The following RPGRIP1 variants were observed in gnomAD, a reference collection of about 807,000 sequenced individuals.
The protein encoded by RPGRIP1 is RPGR interacting protein 1, also known as X-linked retinitis pigmentosa GTPase regulator-interacting protein 1.
RPGRIP1 carries 128 observed loss-of-function variants against 157.9 expected under a neutral mutation model. That is an observed-to-expected ratio of 0.81 (90% CI 0.70 to 0.94). The LOEUF (loss-of-function observed/expected upper bound fraction) is 0.94. Ranked by LOEUF, RPGRIP1 falls within the 40% of genes least tolerant of loss-of-function variation. The pLI is 0.00. For missense variants in RPGRIP1, 1,486 were observed against 1,545.8 expected (o/e 0.96, Z 0.65); for synonymous variants, 554 against 571.6 (o/e 0.97, Z 0.44).
rs1429217156 is a variant in RPGRIP1, at chr14:21,301,084, C to G, written c.337C>G (p.Leu113Val). 1 of 1,612,512 alleles carries G rather than the reference C, an allele frequency of 6.2e-7. No individual in the cohort carries two copies. The highest frequency in any genetic ancestry group is 8.5e-7 in the Non-Finnish European group (1 of 1,179,432). ...GCAGAAGGCGGGATGGCGGCAGCGC[C>G]TCTCCATGCACCAGCGCCCCCAGAT... ...RGQKAGWRQRLSMHQRPQMHR... is the reference protein window; with the variant it reads ...RGQKAGWRQRVSMHQRPQMHR... Residue 113 changes from leucine (L) to valine (V), a missense_variant, in exon 4 of 25, where the codon CTC (leucine) becomes GTC (valine). By Grantham distance (32) the Leu-to-Val change is conservative (BLOSUM62 1). Transcript: ENST00000400017.
intron 24 of RPGRIP1, among the ~76,000 whole-genome samples, chr14:21,350,471 G>A (rs1003940774): frequency 6.6e-6 from 1 of 151,578 alleles, no homozygotes; most frequent in Non-Finnish European, 1.5e-5. Flanking sequence ...ATGAATCATG[G>A]TATAAAATTA....
intron 21 of RPGRIP1, among the ~76,000 whole-genome samples, chr14:21,341,379 C>T (rs1037289928): frequency 6.6e-6 from 1 of 152,116 alleles, no homozygotes; most frequent in African/African-American, 2.4e-5. Flanking sequence ...GATGCAGAAT[C>T]ATTGAGAGAT....
At chr14:21,283,785 G>A (rs1429484492) in intron 1 of RPGRIP1, among the ~76,000 whole-genome samples, 1 of 151,876 alleles carries the variant, frequency 6.6e-6, no homozygotes, top group Non-Finnish European at 1.5e-5. Context: ...AGCCTCCCGA[G>A]TAGCCGGATT....
intron 19 of RPGRIP1, among the ~76,000 whole-genome samples, chr14:21,329,419 C>G (rs1484438584): frequency 5.9e-5 from 9 of 151,832 alleles, no homozygotes; most frequent in African/African-American, 1.9e-4. Flanking sequence ...CTGTTCATTT[C>G]AATGTAATTT....
intron 10 of RPGRIP1, among the ~76,000 whole-genome samples, chr14:21,315,331 C>T (rs1334663083): frequency 6.6e-6 from 1 of 151,626 alleles, no homozygotes; most frequent in Non-Finnish European, 1.5e-5. Context: ...CACGGTGAAA[C>T]CCCGTCTCTA....
chr14:21,350,885 TCTG>T lies in RPGRIP1; in HGVS notation c.3749-218_3749-216del, dbSNP rs1232302776. Among the ~76,000 whole-genome samples, 3,199 of 152,270 alleles carry T rather than the reference TCTG, an allele frequency of 0.021. 116 individuals are homozygous for T. Among genetic ancestry groups the T allele is most frequent in the African/African-American group, 0.074 (3,070 of 41,528 alleles). On this transcript the variant is annotated intron_variant, in intron 24 of 24. Coordinates refer to ENST00000400017, the MANE Select transcript of RPGRIP1 (RefSeq NM_020366.4). ...CAGAAATCCTTTCCAATTTGTCCATTCTGGTGCAGATGCCTCGTTATGTCCCCA... is the reference window on the plus strand; with the variant it reads ...CAGAAATCCTTTCCAATTTGTCCATTGTGCAGATGCCTCGTTATGTCCCCA...
Position 21,312,692 on chromosome 14 carries a change from CTT to C in RPGRIP1, c.1151+199_1151+200del, listed in dbSNP as rs202128771. Among the ~76,000 whole-genome samples, 43 of 142,816 alleles carry C rather than the reference CTT, an allele frequency of 3.0e-4. No homozygotes were observed. In the East Asian group the frequency reaches 4.0e-3, roughly 13 times the overall value. 93.7% of individuals were successfully genotyped at this position (142,816 alleles called of 152,430 possible). ...TTAAAATGTTAAATGTGCATATCCT[CTT>C]TTTTTTTTTTTTGAGATGGAGTCTC... is the stretch of plus-strand genomic sequence containing the variant. On this transcript the variant is annotated intron_variant, in intron 10 of 24. Transcript: ENST00000400017.
At chr14:21,288,179 A>ATTTTT (rs1880369678) in intron 2 of RPGRIP1, 118 bp downstream of exon 2, 2 of 573,132 alleles carry the variant, frequency 3.5e-6, no homozygotes, top group Non-Finnish European at 6.0e-6. Flanking sequence ...CAGTCTTCTC[A>ATTTTT]CTTTTTTTTT....
intron 16 of RPGRIP1, 53 bp from the exon 17 acceptor site, chr14:21,325,778 T>G: frequency 7.4e-7 from 1 of 1,357,454 alleles, no homozygotes; most frequent in Non-Finnish European, 1.0e-6. Context: ...AGGCTTCACC[T>G]ACAACAGTCT....
chr14:21,322,964 G>A lies in RPGRIP1; in HGVS notation c.1762+960G>A, dbSNP rs532294614. On this transcript the variant is annotated intron_variant, in intron 14 of 24. Coordinates refer to ENST00000400017, the MANE Select transcript of RPGRIP1 (RefSeq NM_020366.4). ...CCCAGTGGTGAAAGATCTGACTCAC[G>A]AAAACCAAATTAACCAGAAGCTGAT... 5.6e-4 allele frequency among the ~76,000 whole-genome samples: 85 copies of A among 152,238 alleles called. 1 individual carries two copies. The highest frequency in any genetic ancestry group is 1.9e-3 in the African/African-American group (79 of 41,548).
At chr14:21,320,727 G>A (rs1882363116) in intron 12 of RPGRIP1, among the ~76,000 whole-genome samples, 1 of 150,882 alleles carries the variant, frequency 6.6e-6, no homozygotes, top group South Asian at 2.1e-4. Flanking sequence ...AGCCTCCCGA[G>A]TAGCTGGGAT....
chr14:21,345,257 T>G (rs570697468), intron 23 of RPGRIP1, 60 bp downstream of exon 23: 21 of 1,311,438 alleles, frequency 1.6e-5, no homozygotes, highest in Non-Finnish European at 2.2e-5. Flanking sequence ...TTCAAAAGTT[T>G]GAGTTTGGTT....
intron 11 of RPGRIP1, 130 bp from the exon 12 acceptor site, chr14:21,319,887 A>G: frequency 1.1e-6 from 1 of 915,792 alleles, no homozygotes; most frequent in Non-Finnish European, 1.7e-6. Context: ...TAGAAATAAT[A>G]GAGAATTGCT....
Position 21,320,049 on chromosome 14 carries a change from A to G in RPGRIP1, c.1339A>G (p.Asn447Asp). The change falls in exon 12 of 25, where the codon AAC becomes GAC. Residue 447 changes from asparagine to aspartate, a missense_variant. Coordinates refer to ENST00000400017, the MANE Select transcript of RPGRIP1 (RefSeq NM_020366.4). ...TGAGGATCTGAAGCTTGAAGTCACC[A>G]ACATACTTCAGAAGCATAAACAGGA... ...QNEDLKLEVT[N>D]ILQKHKQEVE... is the part of the protein sequence containing the mutation. 1 of 1,613,170 alleles carries G rather than the reference A, an allele frequency of 6.2e-7. No homozygotes were observed. Among genetic ancestry groups the G allele is most frequent in the South Asian group, 1.1e-5 (1 of 90,882 alleles).
chr14:21,302,632 T>A, intron 5 of RPGRIP1, 48 bp downstream of exon 5: 1 of 1,138,892 alleles, frequency 8.8e-7, no homozygotes, highest in East Asian at 2.6e-5. Context: ...CCACTTTAAT[T>A]AGAAAGACAT....
chr14:21,297,869 C>CTTTCTTTCTT (rs1341387898), intron 3 of RPGRIP1, among the ~76,000 whole-genome samples: 1 of 150,790 alleles, frequency 6.6e-6, no homozygotes, highest in African/African-American at 2.4e-5. Flanking sequence ...TTCTTTCTTT[C>CTTTCTTTCTT]TTTCTTTCTT....
At chr14:21,351,003 G>A (rs565192716) in intron 24 of RPGRIP1, 101 bp from the exon 25 acceptor site, 4 of 636,138 alleles carry the variant, frequency 6.3e-6, no homozygotes, top group African/African-American at 5.5e-5. Flanking sequence ...CTTATGAAAT[G>A]GGTAATTTCA....
Position 21,307,739 on chromosome 14 carries a change from T to C in RPGRIP1, c.809T>C (p.Ile270Thr). Residue 270 changes from isoleucine to threonine, a missense_variant, in exon 7 of 25, where the codon ATT becomes ACT. By Grantham distance (89) the Ile-to-Thr change is moderately conservative. Coordinates refer to ENST00000400017, the MANE Select transcript of RPGRIP1 (RefSeq NM_020366.4). ...AQKAAELRAS[I>T]KEKVELIRLK... is the part of the protein sequence containing the mutation. Reference sequence around the variant, plus strand: ...AGCGCCTTTCTCTGCAGAGCTTCCATTAAAGAGAAGGTAGAGCTGATTCGA... The same window carrying C: ...AGCGCCTTTCTCTGCAGAGCTTCCACTAAAGAGAAGGTAGAGCTGATTCGA... 6.4e-7 allele frequency: 1 copy of C among 1,557,882 alleles called. No individual in the cohort carries two copies. Among genetic ancestry groups the C allele is most frequent in the Non-Finnish European group, 8.7e-7 (1 of 1,148,422 alleles).
At chr14:21,289,921 A>T (rs1273701675) in intron 2 of RPGRIP1, among the ~76,000 whole-genome samples, 2 of 151,940 alleles carry the variant, frequency 1.3e-5, no homozygotes, top group Non-Finnish European at 2.9e-5. Flanking sequence ...CAGTGGCGTG[A>T]TCTCAGCTCA....
Sources: allele counts gnomAD v4.1 joint callset (sites outside exome capture counted in the v4.1 genomes callset), GRCh38; gene constraint gnomAD v4.1.1; transcripts MANE v1.5; gene names NCBI Gene and HGNC (gene_info 2026-07-23, HGNC 2026-07-21).